PLAAT5: variants seen among roughly 807,000 people sequenced by gnomAD.
PLAAT5 encodes the protein phospholipase A and acyltransferase 5.
Under a neutral mutation model 27.8 loss-of-function variants are expected in PLAAT5, and 27 were observed. The observed-to-expected ratio is 0.97, with a 90% CI of 0.72 to 1.34. The LOEUF is 1.34. PLAAT5 is among the 40% of genes most tolerant of loss of function. PLAAT5 has a pLI of 0.00. For synonymous variants in PLAAT5, 125 were observed against 136.1 expected (o/e 0.92, Z 0.57); for missense variants, 368 against 343.8 (o/e 1.07, Z -0.56).
intron 1 of PLAAT5, chr11:63,490,603 G>T: frequency 1.6e-6 from 1 of 615,972 alleles, no homozygotes; most frequent in Non-Finnish European, 2.8e-6. Flanking sequence ...TCCTAAGCCC[G>T]ATGGGAGGAA....
chr11:63,486,186 A>T (rs2016429524), intron 3 of PLAAT5, among the ~76,000 whole-genome samples: 1 of 152,222 alleles, frequency 6.6e-6, no homozygotes. Flanking sequence ...GCTGGTGGGG[A>T]TGTAAACTGA....
rs1565208428 is a variant in PLAAT5 at position 63,468,445 on chromosome 11, AGGTCT to A, written c.361_365del (p.Arg121TrpfsTer5). ...TTCGAAAAATCTCAATCAGGTCTCC[AGGTCT>A]GGGTCTTGGTTTTCCCTATAATGGA... On this transcript the variant is annotated frameshift_variant, in exon 4 of 6. Coordinates refer to ENST00000540857, the MANE Select transcript of PLAAT5 (RefSeq NM_001146729.2). LOFTEE classifies it high-confidence loss of function. 1.2e-6 allele frequency: 2 copies of A among 1,614,002 alleles called. No homozygotes were observed. The highest frequency in any genetic ancestry group is 3.3e-5 in the Admixed American group (2 of 60,018).
Position 63,462,581 on chromosome 11 carries a change from A to G in PLAAT5, c.*922T>C, listed in dbSNP as rs2015746123. ...CATCTTGCTCTTTTCCACATTCTTC[A>G]TATTTTCTAGGTATCTCTGGAGGCA... On this transcript the variant is annotated 3_prime_UTR_variant, in exon 6 of 6. Transcript: ENST00000540857. 1 of 152,164 alleles carries G rather than the reference A, an allele frequency of 6.6e-6. No individual in the cohort carries two copies. The highest frequency in any genetic ancestry group is 6.5e-5 in the Admixed American group (1 of 15,268). The allele number at this position is 152,164 out of a possible 1,614,324, so 9.4% of individuals were successfully genotyped here. A position where few individuals can be genotyped will look rare whatever the true frequency, so the allele number is the denominator to read the frequency against.
chr11:63,479,541 C>T (rs1027020082), intron 3 of PLAAT5, among the ~76,000 whole-genome samples: 4 of 152,134 alleles, frequency 2.6e-5, no homozygotes, highest in African/African-American at 9.7e-5. Flanking sequence ...ATTTTTGATT[C>T]ATAGATTGTC....
intron 5 of PLAAT5, among the ~76,000 whole-genome samples, chr11:63,465,251 C>T (rs1201664848): frequency 6.6e-6 from 1 of 151,960 alleles, no homozygotes; most frequent in Admixed American, 6.5e-5. Context: ...TGCACTCCAA[C>T]TTGGGCGACA....
chr11:63,477,599 C>T (rs566416070), intron 3 of PLAAT5, among the ~76,000 whole-genome samples: 1 of 152,214 alleles, frequency 6.6e-6, no homozygotes, highest in Non-Finnish European at 1.5e-5. Flanking sequence ...CCTCAGCCTC[C>T]TGAGTAGCTG....
At chr11:63,486,634 T>C (rs2016440755) in intron 3 of PLAAT5, among the ~76,000 whole-genome samples, 2 of 152,056 alleles carry the variant, frequency 1.3e-5, no homozygotes, top group Admixed American at 1.3e-4. Flanking sequence ...ATAAGAATGA[T>C]GTAATCAACT....
At chr11:63,468,517 A>G in intron 3 of PLAAT5, 52 bp from the exon 4 acceptor site, 1 of 1,372,620 alleles carries the variant, frequency 7.3e-7, no homozygotes, top group South Asian at 1.2e-5. Context: ...AACTCCAGAG[A>G]CCTTGTTTTA....
rs2015767863 is a variant in PLAAT5 at position 63,463,399 on chromosome 11, T to C, written c.*104A>G. Reference sequence around the variant, plus strand: ...ATACATTGTAGATTCTTCCAGAAGTTCACAATTTTCTTAATCGGAGCCATT... The same window carrying C: ...ATACATTGTAGATTCTTCCAGAAGTCCACAATTTTCTTAATCGGAGCCATT... On this transcript the variant is annotated 3_prime_UTR_variant, in exon 6 of 6. Transcript: ENST00000540857. The C allele has an allele frequency of 1.2e-6, 1 of 833,662 alleles. No homozygotes were observed. Among genetic ancestry groups the C allele is most frequent in the Non-Finnish European group, 2.0e-6 (1 of 491,848 alleles). 51.6% of individuals were successfully genotyped at this position (833,662 alleles called of 1,614,324 possible).
intron 4 of PLAAT5, 33 bp downstream of exon 4, chr11:63,468,324 A>G (rs1209363267): frequency 1.4e-6 from 2 of 1,460,008 alleles, no homozygotes; most frequent in Non-Finnish European, 1.9e-6. Context: ...GCTAACTTCA[A>G]TATCAGTATT....
intron 3 of PLAAT5, among the ~76,000 whole-genome samples, chr11:63,486,756 C>T (rs150402610): frequency 5.3e-5 from 8 of 152,150 alleles, no homozygotes; most frequent in South Asian, 2.1e-4. Context: ...GAAATCACCA[C>T]GAAGGAACTT....
At chr11:63,486,369 A>G (rs1299708155) in intron 3 of PLAAT5, among the ~76,000 whole-genome samples, 1 of 152,190 alleles carries the variant, frequency 6.6e-6, no homozygotes, top group Non-Finnish European at 1.5e-5. Context: ...CTGCAAAAAT[A>G]TGGAACCAGC....
In PLAAT5 at chr11:63,464,704, T is replaced by C. The variant is rs143480094; in HGVS notation, c.718-1109A>G. On this transcript the variant is annotated intron_variant, in intron 5 of 5. Coordinates refer to ENST00000540857, the MANE Select transcript of PLAAT5 (RefSeq NM_001146729.2). ...ATAAATGCTTTCTCTGCTCATCTCA[T>C]GGAGTTTTAGTAAGGATCACCTATT... is the stretch of plus-strand genomic sequence containing the variant. Among the ~76,000 whole-genome samples the C allele has an allele frequency of 2.6e-3, 394 of 152,240 alleles. 15 individuals carry two copies. In the East Asian group the frequency reaches 0.061, roughly 23 times the overall value.
chr11:63,479,681 C>T (rs551280776), intron 3 of PLAAT5, among the ~76,000 whole-genome samples: 6 of 152,288 alleles, frequency 3.9e-5, no homozygotes, highest in Non-Finnish European at 8.8e-5. Flanking sequence ...ACACAGGAGA[C>T]CCCATAGGCC....
intron 3 of PLAAT5, among the ~76,000 whole-genome samples, chr11:63,485,307 G>C (rs1386975400): frequency 1.3e-5 from 2 of 152,036 alleles, no homozygotes; most frequent in African/African-American, 4.8e-5. Context: ...AACCAAAAAA[G>C]AGCCCACATA....
intron 2 of PLAAT5, among the ~76,000 whole-genome samples, chr11:63,489,681 C>T (rs2016515187): frequency 2.0e-5 from 3 of 152,180 alleles, no homozygotes; most frequent in African/African-American, 7.2e-5. Context: ...AAATGTGTCT[C>T]ACAGTGGTCA....
In PLAAT5 at chr11:63,462,202, G is replaced by A. The variant is rs1230616610; in HGVS notation, c.*1301C>T. ...TAAAATATGAGTTCCTGGTACTCAG[G>A]TTCTGCTTCCAAGGAAGTCTCAACC... On this transcript the variant is annotated 3_prime_UTR_variant, in exon 6 of 6. Coordinates refer to ENST00000540857, the MANE Select transcript of PLAAT5 (RefSeq NM_001146729.2). The A allele has an allele frequency of 2.0e-5, 3 of 152,188 alleles. No homozygotes were observed. Among genetic ancestry groups the A allele is most frequent in the African/African-American group, 7.2e-5 (3 of 41,436 alleles). 9.4% of individuals were successfully genotyped at this position (152,188 alleles called of 1,614,324 possible). A position where few individuals can be genotyped will look rare whatever the true frequency, so the allele number is the denominator to read the frequency against.
chr11:63,483,158 G>A (rs182177316), intron 3 of PLAAT5, among the ~76,000 whole-genome samples: 3 of 151,466 alleles, frequency 2.0e-5, no homozygotes, highest in African/African-American at 7.3e-5. Flanking sequence ...CAGTAATAGT[G>A]GGGGGACTTC....
rs1303389568 is a variant in PLAAT5, at chr11:63,483,781, AAAAATATATATATATATATGTATATAT to A, written c.345+5063_345+5089del. ...GAAGTAAATGAAATTGAAGCAAAAA[AAAAATATATATATATATATGTATATAT>A]ATATATATATATATATATATATATA... On this transcript the variant is annotated intron_variant, in intron 3 of 5. Coordinates refer to ENST00000540857, the MANE Select transcript of PLAAT5 (RefSeq NM_001146729.2). Among the ~76,000 whole-genome samples the A allele has an allele frequency of 1.3e-3, 125 of 95,180 alleles. 3 individuals carry two copies. The highest frequency in any genetic ancestry group is 7.2e-3 in the African/African-American group (122 of 16,854). The allele number at this position is 95,180 out of a possible 152,430, so 62.4% of individuals were successfully genotyped here.
Sources: allele counts gnomAD v4.1 joint callset (sites outside exome capture counted in the v4.1 genomes callset), GRCh38; gene constraint gnomAD v4.1.1; transcripts MANE v1.5; gene names NCBI Gene and HGNC (gene_info 2026-07-23, HGNC 2026-07-21).